The following DLG5 variants were observed in gnomAD, a reference collection of about 807,000 sequenced individuals.
The protein encoded by DLG5 is disks large homolog 5.
DLG5 carries 48 observed loss-of-function variants against 189.8 expected under a neutral mutation model. The observed-to-expected ratio is 0.25, with a 90% CI of 0.20 to 0.32. The LOEUF (loss-of-function observed/expected upper bound fraction) is 0.32. Ranked by LOEUF, DLG5 falls within the 10% of genes least tolerant of loss-of-function variation. The probability of loss-of-function intolerance (pLI) is 1.00; values close to 1 mark genes in which losing one functional copy is unlikely to be tolerated. For synonymous variants in DLG5, 1,016 were observed against 1,054.1 expected (o/e 0.96, Z 0.70); for missense variants, 2,160 against 2,544.7 (o/e 0.85, Z 3.25).
chr10:77,933,337 A>T, the DLG5 span, among the ~76,000 whole-genome samples: 1 of 151,426 alleles, frequency 6.6e-6, no homozygotes, highest in South Asian at 2.1e-4. Context: ...CCCAGGCTGG[A>T]GTGCAATGGC....
chr10:77,868,252 C>G, intron 2 of DLG5: 1 of 380,932 alleles, frequency 2.6e-6, no homozygotes, highest in East Asian at 7.3e-5. Flanking sequence ...TATCACACTA[C>G]CTTCCCTTAC....
chr10:77,916,082 T>C (rs1480239923), intron 1 of DLG5, among the ~76,000 whole-genome samples: 1 of 151,884 alleles, frequency 6.6e-6, no homozygotes, highest in Non-Finnish European at 1.5e-5. Context: ...TAGCTGGGCA[T>C]GGTGGCACAC....
rs184960577 is a variant in DLG5 at position 77,830,324 on chromosome 10, T to G, written c.1902A>C (p.Ala634=). 4.3e-5 allele frequency: 69 copies of G among 1,614,144 alleles called. No individual in the cohort carries two copies. The East Asian group carries it at 1.4e-3, about 32-fold the overall frequency. The change falls in exon 11 of 32, where the codon GCA becomes GCC. Residue 634 remains alanine (A), a synonymous_variant. Coordinates refer to ENST00000372391, the MANE Select transcript of DLG5 (RefSeq NM_004747.4). ...CACCTTCTGCCATATCAAACCCCAGTGCCTTCAAGTCAATATCCTCCTGCA... is the reference window on the plus strand; with the variant it reads ...CACCTTCTGCCATATCAAACCCCAGGGCCTTCAAGTCAATATCCTCCTGCA... ...ERETEDIDLK[A]LGFDMAEGVN...
At chr10:77,881,018 G>A (rs935898156) in intron 1 of DLG5, among the ~76,000 whole-genome samples, 1 of 133,994 alleles carries the variant, frequency 7.5e-6, no homozygotes, top group African/African-American at 2.8e-5. Context: ...TGTCACCCAG[G>A]CTGGAGTGCA....
At chr10:77,924,837 GTCTC>G (rs58562357) in intron 1 of DLG5, among the ~76,000 whole-genome samples, 28,926 of 152,060 alleles carry the variant, frequency 0.19, 3,304 homozygotes, top group South Asian at 0.27. Context: ...CAGCAATTTA[GTCTC>G]TCTGTCAGTT....
At position 77,834,023 on chromosome 10, in the gene DLG5, G is replaced by A; in HGVS notation, c.1639C>T (p.Leu547=). 1 of 1,609,716 alleles carries A rather than the reference G, an allele frequency of 6.2e-7. No homozygotes were observed. The highest frequency in any genetic ancestry group is 1.7e-5 in the Admixed American group (1 of 59,994). ...ACCGCACGGTCCCGCTCCCGCCTCA[G>A]GTTGTCACACAGTGTCCTGGTGGAA... ...RDSIRTLCDN[L]RRERDRAVSE... Residue 547 remains leucine (L), a synonymous_variant, in exon 9 of 32, where the codon CTG becomes TTG. Transcript: ENST00000372391.
rs561844752 is a variant in DLG5, at chr10:77,919,818, C to G, written c.304+6399G>C. On this transcript the variant is annotated intron_variant, in intron 1 of 31. Transcript: ENST00000372391. ...CCACCTGCTTCCATCACAGACATAC[C>G]GTGGGCGGTGATATCCCTGTGTACA... Among the ~76,000 whole-genome samples, 6 of 152,138 alleles carry G rather than the reference C, an allele frequency of 3.9e-5. No homozygotes were observed. The South Asian group carries it at 1.2e-3, about 32-fold the overall frequency.
chr10:77,870,091 A>G (rs1276447815), intron 1 of DLG5, among the ~76,000 whole-genome samples: 1 of 152,010 alleles, frequency 6.6e-6, no homozygotes, highest in African/African-American at 2.4e-5. Flanking sequence ...CATCAAGACT[A>G]TGGATGACAT....
intron 2 of DLG5, among the ~76,000 whole-genome samples, chr10:77,860,752 A>G (rs1345038229): frequency 1.3e-5 from 2 of 152,222 alleles, no homozygotes; most frequent in Non-Finnish European, 2.9e-5. Context: ...TGGAATATGG[A>G]ATATGGACCT....
At chr10:77,900,859 C>A (rs867575948) in intron 1 of DLG5, among the ~76,000 whole-genome samples, 1 of 152,166 alleles carries the variant, frequency 6.6e-6, no homozygotes, top group African/African-American at 2.4e-5. Context: ...TGCTTGAACC[C>A]GGGAGGCGGA....
intron 1 of DLG5, among the ~76,000 whole-genome samples, chr10:77,924,736 G>A (rs1001761167): frequency 2.0e-5 from 3 of 152,196 alleles, no homozygotes; most frequent in Non-Finnish European, 4.4e-5. Context: ...ACAACTGGGG[G>A]GAAAGAATGC....
rs771949266 is a variant in DLG5 at position 77,794,925 on chromosome 10, C to T, written c.5470G>A (p.Ala1824Thr). 2.7e-5 allele frequency: 44 copies of T among 1,613,876 alleles called. No individual in the cohort carries two copies. Among genetic ancestry groups the T allele is most frequent in the South Asian group, 9.9e-5 (9 of 91,070 alleles). Residue 1824 changes from alanine to threonine, a missense_variant, in exon 30 of 32, where the codon GCT becomes ACT. Ala to Thr is a moderately conservative substitution (Grantham distance 58). Around this residue, in one of 5 missense-constraint regions of DLG5, gnomAD observed 574 missense variants for 644.2 expected, o/e 0.89. Transcript: ENST00000372391. ...TGCATGTGGTGGAGCCGCTCAATAG[C>T]GTGCGGAGCAATGTCCAGGAGGCAG... ...RHCLLDIAPH[A>T]IERLHHMHIY...
In DLG5 at chr10:77,868,106, T is replaced by C. The variant is rs753030911; in HGVS notation, c.373+1023A>G. 3.9e-5 allele frequency: 18 copies of C among 456,076 alleles called. 1 individual carries two copies. The highest frequency in any genetic ancestry group is 3.6e-4 in the Middle Eastern group (1 of 2,744). The allele number at this position is 456,076 out of a possible 1,614,324, so 28.3% of individuals were successfully genotyped here. A position where few individuals can be genotyped will look rare whatever the true frequency, so the allele number is the denominator to read the frequency against. ...AGCCTGCGTGGCCTCACTGACACTT[T>C]GATCTTGGGCTTCTGTCCTCCAGAA... is the stretch of plus-strand genomic sequence containing the variant. On this transcript the variant is annotated intron_variant, in intron 2 of 31. Coordinates refer to ENST00000372391, the MANE Select transcript of DLG5 (RefSeq NM_004747.4).
chr10:77,909,904 C>CT (rs887670312), intron 1 of DLG5, among the ~76,000 whole-genome samples: 12 of 152,174 alleles, frequency 7.9e-5, no homozygotes, highest in African/African-American at 2.6e-4. Context: ...TTATAAAAGG[C>CT]TTTTTTCCCT....
At chr10:77,864,921 C>T (rs768511288) in intron 2 of DLG5, among the ~76,000 whole-genome samples, 1 of 152,180 alleles carries the variant, frequency 6.6e-6, no homozygotes, top group African/African-American at 2.4e-5. Context: ...CAAAGACTTG[C>T]TTTCGAACCC....
At chr10:77,794,167 C>T in intron 30 of DLG5, 50 bp from the exon 31 acceptor site, 1 of 1,541,950 alleles carries the variant, frequency 6.5e-7, no homozygotes. Flanking sequence ...CCTCCAGGCC[C>T]TCTTTCCTTC....
rs891240286 is a variant in DLG5, at chr10:77,916,293, A to T, written c.304+9924T>A. 1.7e-3 allele frequency among the ~76,000 whole-genome samples: 262 copies of T among 151,002 alleles called. 1 individual carries two copies. The highest frequency in any genetic ancestry group is 5.9e-3 in the African/African-American group (242 of 41,080). ...AAACCATATCTGAAGGAAGAAAAAA[A>T]ATTTTTTTTTTTGTAAGACAGAGTT... On this transcript the variant is annotated intron_variant, in intron 1 of 31. Transcript: ENST00000372391.
At chr10:77,874,962 A>G (rs1210631091) in intron 1 of DLG5, among the ~76,000 whole-genome samples, 1 of 152,248 alleles carries the variant, frequency 6.6e-6, no homozygotes, top group African/African-American at 2.4e-5. Flanking sequence ...AATAGCAGCT[A>G]ATAGGTACTA....
At chr10:77,829,715 T>C (rs1328881306) in intron 11 of DLG5, among the ~76,000 whole-genome samples, 185 bp from the exon 12 acceptor site, 1 of 152,150 alleles carries the variant, frequency 6.6e-6, no homozygotes, top group Non-Finnish European at 1.5e-5. Flanking sequence ...ACAGCCTGGG[T>C]TCAAATCCTG....
Sources: gnomAD v4.1 joint callset for allele counts (sites outside exome capture counted in the v4.1 genomes callset) on GRCh38, gnomAD v4.1.1 for gene constraint, gnomAD v4.1.1 regional missense constraint, MANE v1.5 for transcripts, NCBI Gene and HGNC (gene_info 2026-07-23, HGNC 2026-07-21) for gene names.